PDE6D: variants seen among roughly 807,000 people sequenced by gnomAD.
PDE6D encodes the protein retinal rod rhodopsin-sensitive cGMP 3',5'-cyclic phosphodiesterase subunit delta.
PDE6D carries 10 observed loss-of-function variants against 21.9 expected under a neutral mutation model. That is an observed-to-expected ratio of 0.46 (90% CI 0.28 to 0.78). PDE6D has a LOEUF of 0.78. Ranked by LOEUF, PDE6D falls within the 30% of genes least tolerant of loss-of-function variation. The pLI, the probability that PDE6D is intolerant of heterozygous loss-of-function variation, is 0.12. For synonymous variants in PDE6D, 59 were observed against 63.5 expected, an observed-to-expected ratio of 0.93 and a Z score of 0.34; for missense variants, 139 against 184.8, an observed-to-expected ratio of 0.75 and a Z score of 1.44.
intron 1 of PDE6D, among the ~76,000 whole-genome samples, chr2:231,740,799 A>T (rs1246073): frequency 0.33 from 50,515 of 151,564 alleles, 8,851 homozygotes; most frequent in African/African-American, 0.44. Context: ...CAGAGAGAAC[A>T]GAGGGGAGGA....
chr2:231,747,878 G>C (rs942241681), intron 1 of PDE6D, among the ~76,000 whole-genome samples: 3 of 152,172 alleles, frequency 2.0e-5, no homozygotes, highest in African/African-American at 7.2e-5. Context: ...TCCACAATGG[G>C]TTCTGAATGC....
intron 1 of PDE6D, among the ~76,000 whole-genome samples, chr2:231,771,267 C>T (rs2049013772): frequency 6.6e-6 from 1 of 151,852 alleles, no homozygotes; most frequent in South Asian, 2.1e-4. Context: ...CCTTGCTCAG[C>T]CAAGCTGAGA....
At position 231,739,058 on chromosome 2, in the gene PDE6D, G is replaced by T; in HGVS notation, c.139+42C>A. On this transcript the variant is annotated intron_variant, in intron 2 of 4. Transcript: ENST00000287600. The surrounding 1 kb of genome is among the most constrained non-coding windows in gnomAD (Gnocchi z 4.2). ...TCTCTTATGCTCAGGTGCTAGTCTG[G>T]CATTGGTCACAGCCCTGTGTAGATA... 1 of 1,276,278 alleles carries T rather than the reference G, an allele frequency of 7.8e-7. No homozygotes were observed. The highest frequency in any genetic ancestry group is 1.1e-6 in the Non-Finnish European group (1 of 873,836). The allele number at this position is 1,276,278 out of a possible 1,614,324, so 79.1% of individuals were successfully genotyped here.
intron 1 of PDE6D, among the ~76,000 whole-genome samples, chr2:231,775,237 C>T (rs974716966): frequency 6.6e-6 from 1 of 151,674 alleles, no homozygotes; most frequent in Non-Finnish European, 1.5e-5. Flanking sequence ...TATTTTCGTA[C>T]AGTGCCACTT....
intron 1 of PDE6D, among the ~76,000 whole-genome samples, chr2:231,762,850 G>C (rs757646474): frequency 2.0e-5 from 3 of 151,970 alleles, no homozygotes; most frequent in Admixed American, 6.6e-5. Flanking sequence ...TGTAATCCCA[G>C]AACTTTGGGA....
intron 1 of PDE6D, among the ~76,000 whole-genome samples, chr2:231,744,619 G>A (rs778443508): frequency 6.6e-6 from 1 of 151,976 alleles, no homozygotes; most frequent in Non-Finnish European, 1.5e-5. Context: ...TTTTAGTAGC[G>A]ATGGGGTTTC....
At chr2:231,737,061 T>C (rs1574616285) in intron 4 of PDE6D, 126 bp downstream of exon 4, 1 of 527,404 alleles carries the variant, frequency 1.9e-6, no homozygotes, top group Non-Finnish European at 3.4e-6. Flanking sequence ...CTAGATACCC[T>C]TGGATACTCT....
chr2:231,753,225 G>A (rs1278331100), intron 1 of PDE6D, among the ~76,000 whole-genome samples: 2 of 148,430 alleles, frequency 1.3e-5, no homozygotes, highest in Admixed American at 6.7e-5. Context: ...CCATGACCTT[G>A]TTAAAAATGC....
chr2:231,735,228 C>A (rs1433970895), intron 4 of PDE6D, among the ~76,000 whole-genome samples: 1 of 127,044 alleles, frequency 7.9e-6, no homozygotes, highest in African/African-American at 3.0e-5. Context: ...GGCAACAGAG[C>A]GAGACTCCAT....
At chr2:231,740,882 T>C (rs1187858694) in intron 1 of PDE6D, among the ~76,000 whole-genome samples, 1 of 151,728 alleles carries the variant, frequency 6.6e-6, no homozygotes, top group Non-Finnish European at 1.5e-5. Flanking sequence ...GGCTCACCTG[T>C]AATCCCAGCA....
chr2:231,761,720 A>G (rs1183518875), intron 1 of PDE6D, among the ~76,000 whole-genome samples: 1 of 152,166 alleles, frequency 6.6e-6, no homozygotes, highest in African/African-American at 2.4e-5. Context: ...TTGAGTACCT[A>G]CTTTCAACAT....
intron 1 of PDE6D, among the ~76,000 whole-genome samples, chr2:231,774,235 T>C (rs1162291611): frequency 1.3e-5 from 2 of 152,152 alleles, no homozygotes; most frequent in Non-Finnish European, 2.9e-5. Context: ...ACCTGGCCTG[T>C]CATTATTATT....
At chr2:231,761,419 G>A (rs187607297) in intron 1 of PDE6D, among the ~76,000 whole-genome samples, 6 of 152,222 alleles carry the variant, frequency 3.9e-5, no homozygotes, top group African/African-American at 1.2e-4. Context: ...CTCGTGATCC[G>A]CCTGCCTTGG....
At chr2:231,753,320 A>G (rs1333085239) in intron 1 of PDE6D, among the ~76,000 whole-genome samples, 6 of 150,902 alleles carry the variant, frequency 4.0e-5, no homozygotes, top group South Asian at 2.1e-4. Context: ...TCAGGAGATC[A>G]AGACCATCCT....
In PDE6D at chr2:231,749,343, G is replaced by A. The variant is rs147226131; in HGVS notation, c.51-10155C>T. Among the ~76,000 whole-genome samples the A allele has an allele frequency of 3.2e-3, 494 of 152,180 alleles. 5 individuals are homozygous for A. The highest frequency in any genetic ancestry group is 0.011 in the African/African-American group (476 of 41,512). ...TGGATTTTGGACTTGCATGGGCCCT[G>A]TAACCCCTTTGTTTTGGCCAATTTC... On this transcript the variant is annotated intron_variant, in intron 1 of 4. Coordinates refer to ENST00000287600, the MANE Select transcript of PDE6D (RefSeq NM_002601.4).
intron 2 of PDE6D, 126 bp from the exon 3 acceptor site, chr2:231,738,264 C>T (rs978450010): frequency 4.5e-6 from 4 of 897,790 alleles, no homozygotes; most frequent in Non-Finnish European, 5.2e-6. Flanking sequence ...ATTTAGAGAA[C>T]ACTTTCTTAC....
chr2:231,754,973 G>A (rs57627130), intron 1 of PDE6D, among the ~76,000 whole-genome samples: 5,651 of 152,152 alleles, frequency 0.037, 334 homozygotes, highest in African/African-American at 0.12. Flanking sequence ...CCAATGTGAT[G>A]GTATTAGGAG....
intron 1 of PDE6D, among the ~76,000 whole-genome samples, chr2:231,763,595 T>A (rs1280322641): frequency 3.3e-5 from 5 of 151,936 alleles, no homozygotes; most frequent in African/African-American, 1.2e-4. Flanking sequence ...AATAATAATT[T>A]AAAAAAACTT....
At chr2:231,752,457 A>G (rs1574624918) in intron 1 of PDE6D, among the ~76,000 whole-genome samples, 4 of 152,244 alleles carry the variant, frequency 2.6e-5, no homozygotes, top group Admixed American at 1.3e-4. Context: ...AGTGTAGGAC[A>G]TTATTATGCC....
Sources: allele counts gnomAD v4.1 joint callset (sites outside exome capture counted in the v4.1 genomes callset), GRCh38; gene constraint gnomAD v4.1.1; non-coding constraint Gnocchi (gnomAD v3.1); transcripts MANE v1.5; gene names NCBI Gene and HGNC (gene_info 2026-07-23, HGNC 2026-07-21).